The following BNC2 variants were observed in gnomAD, a reference collection of about 807,000 sequenced individuals.
BNC2 encodes zinc finger protein basonuclin-2.
A neutral mutation model predicts 76.3 loss-of-function variants in BNC2; 20 were observed. That is an observed-to-expected ratio of 0.26 (90% CI 0.18 to 0.38). BNC2 has a LOEUF of 0.38. Among genes scored for constraint, BNC2 ranks in the 10% least tolerant of loss-of-function variants. The pLI, the probability that BNC2 is intolerant of heterozygous loss-of-function variation, is 1.00. For synonymous variants in BNC2, 582 were observed against 514.8 expected, an observed-to-expected ratio of 1.13 and a Z score of -1.77; for missense variants, 1,382 against 1,399.8, an observed-to-expected ratio of 0.99 and a Z score of 0.20.
At chr9:16,821,857 G>C (rs924544381) in intron 1 of BNC2, among the ~76,000 whole-genome samples, 1 of 152,076 alleles carries the variant, frequency 6.6e-6, no homozygotes, top group Non-Finnish European at 1.5e-5. Flanking sequence ...ATTCTGGAAG[G>C]CCAAGGCGGA....
At chr9:16,565,907 C>T (rs16934813) in intron 4 of BNC2, among the ~76,000 whole-genome samples, 8,307 of 151,816 alleles carry the variant, frequency 0.055, 821 homozygotes, top group African/African-American at 0.19. Context: ...GGGTGGGAGT[C>T]GGGTATTCCA....
intron 5 of BNC2, among the ~76,000 whole-genome samples, chr9:16,529,478 T>C (rs1441449100): frequency 6.6e-6 from 1 of 152,208 alleles, no homozygotes; most frequent in Admixed American, 6.5e-5. Context: ...GTTTCAATTT[T>C]ATATTAATTT....
intron 1 of BNC2, among the ~76,000 whole-genome samples, chr9:16,794,041 T>C (rs546594257): frequency 4.6e-5 from 7 of 152,080 alleles, no homozygotes; most frequent in African/African-American, 1.7e-4. Context: ...ATTTAAATGA[T>C]ATACATTGGA....
At chr9:16,509,198 T>C (rs1467217185) in intron 5 of BNC2, among the ~76,000 whole-genome samples, 2 of 152,118 alleles carry the variant, frequency 1.3e-5, no homozygotes, top group Non-Finnish European at 2.9e-5. Flanking sequence ...TAGGCACAAG[T>C]CTCACCTTCT....
At chr9:16,662,502 A>G (rs879503660) in intron 3 of BNC2, among the ~76,000 whole-genome samples, 6 of 152,184 alleles carry the variant, frequency 3.9e-5, no homozygotes, top group Non-Finnish European at 7.3e-5. Context: ...TTGGGAGACC[A>G]AGGCAGGTGC....
intron 3 of BNC2, among the ~76,000 whole-genome samples, chr9:16,707,287 T>C (rs1823708153): frequency 6.6e-6 from 1 of 152,036 alleles, no homozygotes; most frequent in Admixed American, 6.6e-5. Flanking sequence ...CAAATTCCAA[T>C]TTTGATGTTA....
intron 4 of BNC2, among the ~76,000 whole-genome samples, chr9:16,558,573 G>A (rs889299039): frequency 5.9e-5 from 9 of 152,070 alleles, no homozygotes; most frequent in African/African-American, 2.2e-4. Flanking sequence ...GTCACATTCT[G>A]TAAGTTGGAA....
chr9:16,802,996 G>A (rs1817820140), intron 1 of BNC2, among the ~76,000 whole-genome samples: 1 of 152,152 alleles, frequency 6.6e-6, no homozygotes, highest in African/African-American at 2.4e-5. Context: ...CCATCACACA[G>A]ACATTGACTT....
chr9:16,773,350 C>A (rs549480426), intron 1 of BNC2, among the ~76,000 whole-genome samples: 16 of 152,058 alleles, frequency 1.1e-4, no homozygotes, highest in Non-Finnish European at 1.8e-4. Flanking sequence ...TCACTCTCAA[C>A]AAAAAGCCTT....
At chr9:16,851,496 AC>A (rs975535478) in intron 1 of BNC2, among the ~76,000 whole-genome samples, 4 of 152,232 alleles carry the variant, frequency 2.6e-5, no homozygotes, top group African/African-American at 9.6e-5. Context: ...ACAGGGTGAG[AC>A]CCTGTCTCAA....
At chr9:16,604,585 C>T (rs1390535558) in intron 3 of BNC2, among the ~76,000 whole-genome samples, 1 of 152,010 alleles carries the variant, frequency 6.6e-6, no homozygotes, top group Non-Finnish European at 1.5e-5. Flanking sequence ...TCACTTGAGG[C>T]CAGGAGTTTG....
In BNC2 at chr9:16,419,609, T is replaced by C; in HGVS notation, c.2680A>G (p.Lys894Glu). The change falls in exon 7 of 7, where the codon AAA (lysine) becomes GAA (glutamate). Residue 894 changes from lysine (K) to glutamate (E), a missense_variant. Transcript: ENST00000380672. ...TCCAGGCCCATGTCATCGAGTTCTT[T>C]GGTCAACAGTTTACGATGTAGGTTT... ...NINLHRKLLT[K>E]ELDDMGLDSS... The C allele has an allele frequency of 6.3e-7, 1 of 1,575,602 alleles. No individual in the cohort carries two copies. The highest frequency in any genetic ancestry group is 8.6e-7 in the Non-Finnish European group (1 of 1,160,068).
At chr9:16,622,795 G>A (rs1820899042) in intron 3 of BNC2, among the ~76,000 whole-genome samples, 1 of 152,166 alleles carries the variant, frequency 6.6e-6, no homozygotes, top group East Asian at 1.9e-4. Context: ...GGCAGTGTTA[G>A]GTAATTACAA....
chr9:16,663,721 G>C (rs548293583), intron 3 of BNC2, among the ~76,000 whole-genome samples: 1 of 152,318 alleles, frequency 6.6e-6, no homozygotes, highest in Admixed American at 6.5e-5. Context: ...AAATGTGCCT[G>C]CTGGGATATC....
At position 16,799,207 on chromosome 9, in the gene BNC2, AT is replaced by A. The variant is rs1817726691; in HGVS notation, c.4-60723del. 2.0e-5 allele frequency among the ~76,000 whole-genome samples: 3 copies of A among 152,306 alleles called. No individual in the cohort carries two copies. In the South Asian group the frequency reaches 6.2e-4, roughly 32 times the overall value. On this transcript the variant is annotated intron_variant, in intron 1 of 6. Coordinates refer to ENST00000380672, the MANE Select transcript of BNC2 (RefSeq NM_017637.6). ...AAGTATAAAGAAGCAGAAATTAGTCATAACTCCAGAGGCAACAACTGATAAT... is the reference window on the plus strand; with the variant it reads ...AAGTATAAAGAAGCAGAAATTAGTCAAACTCCAGAGGCAACAACTGATAAT...
intron 3 of BNC2, among the ~76,000 whole-genome samples, chr9:16,659,502 G>A (rs190099367): frequency 5.6e-4 from 85 of 151,962 alleles, no homozygotes; most frequent in African/African-American, 2.0e-3. Context: ...CAGCTACTCG[G>A]GAGGCTGAGG....
chr9:16,751,288 T>C (rs1586854289), intron 1 of BNC2, among the ~76,000 whole-genome samples: 2 of 150,118 alleles, frequency 1.3e-5, no homozygotes, highest in East Asian at 1.9e-4. Context: ...AACCCTAGTA[T>C]ATTGTGAGCA....
intron 5 of BNC2, among the ~76,000 whole-genome samples, chr9:16,462,329 G>A (rs1247754816): frequency 6.6e-6 from 1 of 152,112 alleles, no homozygotes; most frequent in Non-Finnish European, 1.5e-5. Context: ...GAACAGCTCA[G>A]GAGCCATCTC....
chr9:16,625,938 C>G (rs1332573938), intron 3 of BNC2: 1 of 152,194 alleles, frequency 6.6e-6, no homozygotes, highest in Non-Finnish European at 1.5e-5. Context: ...CTAGCACCTT[C>G]TGGTCATTCA....
Sources: allele counts gnomAD v4.1 joint callset (sites outside exome capture counted in the v4.1 genomes callset), GRCh38; gene constraint gnomAD v4.1.1; transcripts MANE v1.5; gene names NCBI Gene and HGNC (gene_info 2026-07-23, HGNC 2026-07-21).